The following VAMP4 variants were observed in gnomAD, a reference collection of about 807,000 sequenced individuals.
VAMP4 encodes the protein vesicle-associated membrane protein 4.
In VAMP4, 19 loss-of-function variants were observed where a neutral mutation model predicts 23.5. The ratio of observed to expected loss-of-function variants is 0.81; its 90% CI spans 0.56 to 1.19. The LOEUF is 1.19. Among genes scored for constraint, VAMP4 ranks in the 50% most tolerant of loss-of-function variants. The pLI, the probability that VAMP4 is intolerant of heterozygous loss-of-function variation, is 0.00. For synonymous variants in VAMP4, 31 were observed against 51.0 expected (o/e 0.61, Z 1.67); for missense variants, 145 against 168.6 (o/e 0.86, Z 0.78).
rs186954209 is a variant in VAMP4, at chr1:171,705,321, T to C, written c.398-787A>G. Among the ~76,000 whole-genome samples, 195 of 152,254 alleles carry C rather than the reference T, an allele frequency of 1.3e-3. 1 individual carries two copies. The highest frequency in any genetic ancestry group is 3.1e-3 in the African/African-American group (127 of 41,562). On this transcript the variant is annotated intron_variant, in intron 7 of 7. Coordinates refer to ENST00000236192, the MANE Select transcript of VAMP4 (RefSeq NM_003762.5). ...TCCATGAAGACACATCACAGCTCTC[T>C]TGTACTGAGCAACACTAGACAGCAC...
rs116281126 is a variant in VAMP4, at chr1:171,720,405, C to T, written c.114-1184G>A. On this transcript the variant is annotated intron_variant, in intron 3 of 7. Transcript: ENST00000236192. ...TATGTCTGTTTCATCTATCAAGTAA[C>T]ATGAGACTTCAAAATACTTATAGAA... Among the ~76,000 whole-genome samples the T allele has an allele frequency of 3.8e-3, 583 of 151,884 alleles. 3 individuals carry two copies. The highest frequency in any genetic ancestry group is 0.013 in the African/African-American group (532 of 41,512).
At chr1:171,726,120 T>C (rs1655361992) in intron 3 of VAMP4, among the ~76,000 whole-genome samples, 1 of 152,170 alleles carries the variant, frequency 6.6e-6, no homozygotes. Flanking sequence ...GGTGCAATCT[T>C]GGCTCACTGC....
chr1:171,740,565 C>T (rs1342388335), intron 1 of VAMP4, among the ~76,000 whole-genome samples: 1 of 152,164 alleles, frequency 6.6e-6, no homozygotes, highest in African/African-American at 2.4e-5. Context: ...TTCTTGGTTC[C>T]ACAATATTTC....
chr1:171,729,511 TC>T (rs1404533894), intron 2 of VAMP4, among the ~76,000 whole-genome samples: 1 of 152,230 alleles, frequency 6.6e-6, no homozygotes, highest in African/African-American at 2.4e-5. Flanking sequence ...TGTGGAATTT[TC>T]CATTGTGGCA....
intron 7 of VAMP4, 89 bp downstream of exon 7, chr1:171,706,278 C>T: frequency 8.0e-7 from 1 of 1,243,110 alleles, no homozygotes; most frequent in Non-Finnish European, 1.1e-6. Flanking sequence ...TGACTTCAGA[C>T]ATACTAGGTC....
At chr1:171,732,768 A>G (rs889863687) in intron 2 of VAMP4, among the ~76,000 whole-genome samples, 6 of 152,312 alleles carry the variant, frequency 3.9e-5, no homozygotes, top group African/African-American at 1.4e-4. Flanking sequence ...TGGGTAAGTT[A>G]TTCCTAAACA....
At chr1:171,721,235 G>A (rs1297432742) in intron 3 of VAMP4, among the ~76,000 whole-genome samples, 1 of 152,032 alleles carries the variant, frequency 6.6e-6, no homozygotes, top group Admixed American at 6.6e-5. Context: ...TTCCCCTAAA[G>A]GAGATCAGGA....
intron 4 of VAMP4, among the ~76,000 whole-genome samples, chr1:171,715,307 G>C (rs1034912882): frequency 6.6e-6 from 1 of 152,158 alleles, no homozygotes; most frequent in African/African-American, 2.4e-5. Flanking sequence ...AGACATGAGA[G>C]AGAACACAAT....
chr1:171,739,257 A>G (rs528713422), intron 1 of VAMP4, among the ~76,000 whole-genome samples: 3 of 152,318 alleles, frequency 2.0e-5, no homozygotes, highest in African/African-American at 4.8e-5. Context: ...CTAATAGCCA[A>G]TGATGTAATC....
intron 3 of VAMP4, among the ~76,000 whole-genome samples, chr1:171,724,419 A>G (rs1436591813): frequency 6.6e-6 from 1 of 152,152 alleles, no homozygotes; most frequent in African/African-American, 2.4e-5. Flanking sequence ...ACATGCATAC[A>G]TATGTAACAA....
At chr1:171,717,180 G>A (rs1317493942) in intron 4 of VAMP4, among the ~76,000 whole-genome samples, 2 of 152,122 alleles carry the variant, frequency 1.3e-5, no homozygotes, top group African/African-American at 4.8e-5. Context: ...ATATCAGACA[G>A]GAAACAGAGC....
intron 3 of VAMP4, among the ~76,000 whole-genome samples, chr1:171,719,640 G>A (rs1243032405): frequency 6.7e-6 from 1 of 149,568 alleles, no homozygotes; most frequent in Non-Finnish European, 1.5e-5. Flanking sequence ...AATGAAATGA[G>A]GAAACTACAA....
In VAMP4 at chr1:171,703,146, A is replaced by G. The variant is rs1654504492; in HGVS notation, c.*1360T>C. The G allele has an allele frequency of 6.6e-6, 1 of 151,682 alleles. No individual in the cohort carries two copies. 9.4% of individuals were successfully genotyped at this position (151,682 alleles called of 1,614,324 possible). On this transcript the variant is annotated 3_prime_UTR_variant, in exon 8 of 8. Transcript: ENST00000236192. The stretch of plus-strand genomic sequence containing the variant: ...TTTCTATTAACCCTATTTTTAATTT[A>G]GGGAGTTTTATATTCATATTGTCAA...
intron 2 of VAMP4, among the ~76,000 whole-genome samples, chr1:171,732,077 A>G (rs916038448): frequency 6.6e-6 from 1 of 152,210 alleles, no homozygotes; most frequent in African/African-American, 2.4e-5. Context: ...CAAACACACA[A>G]AAAAATCTAG....
chr1:171,715,350 C>G (rs1654994401), intron 4 of VAMP4, among the ~76,000 whole-genome samples: 1 of 152,134 alleles, frequency 6.6e-6, no homozygotes, highest in African/African-American at 2.4e-5. Flanking sequence ...TGTTTTAAAT[C>G]CTCTTAGAGT....
intron 4 of VAMP4, among the ~76,000 whole-genome samples, chr1:171,718,457 T>C (rs2073484): frequency 0.35 from 53,851 of 151,926 alleles, 10,048 homozygotes; most frequent in African/African-American, 0.48. Flanking sequence ...CTGCTCTGTC[T>C]ATTCCTTCTC....
At chr1:171,717,619 T>A (rs776952269) in intron 4 of VAMP4, among the ~76,000 whole-genome samples, 1 of 61,338 alleles carries the variant, frequency 1.6e-5, no homozygotes, top group Admixed American at 1.4e-4. Context: ...TGACCTCCCC[T>A]TTTTTTTTTA....
chr1:171,705,894 A>G (rs1654632669), intron 7 of VAMP4, among the ~76,000 whole-genome samples: 1 of 152,154 alleles, frequency 6.6e-6, no homozygotes, highest in African/African-American at 2.4e-5. Context: ...GCTCAACTAC[A>G]GAACAAAACA....
At chr1:171,741,822 G>T (rs987185866) in intron 1 of VAMP4, 88 bp downstream of exon 1, 3 of 152,074 alleles carry the variant, frequency 2.0e-5, no homozygotes, top group Admixed American at 1.3e-4. Flanking sequence ...CGACTAGGAC[G>T]TCGGGGGGCG....
Sources: gnomAD v4.1 joint callset for allele counts (sites outside exome capture counted in the v4.1 genomes callset) on GRCh38, gnomAD v4.1.1 for gene constraint, MANE v1.5 for transcripts, NCBI Gene and HGNC (gene_info 2026-07-23, HGNC 2026-07-21) for gene names.